CHN1: variants seen among roughly 807,000 people sequenced by gnomAD.
CHN1 encodes chimerin 1, also known as N-chimaerin.
In CHN1, 37 loss-of-function variants were observed where a neutral mutation model predicts 59.5. The ratio of observed to expected loss-of-function variants is 0.62; its 90% CI spans 0.48 to 0.82. CHN1 has a LOEUF of 0.82. Among genes scored for constraint, CHN1 ranks in the 40% least tolerant of loss-of-function variants. The probability of loss-of-function intolerance (pLI) is 0.00; values close to 1 mark genes in which losing one functional copy is unlikely to be tolerated. For synonymous variants in CHN1, 206 were observed against 200.4 expected, an observed-to-expected ratio of 1.03 and a Z score of -0.24; for missense variants, 469 against 571.0, an observed-to-expected ratio of 0.82 and a Z score of 1.82.
At chr2:174,927,739 A>G (rs1689219461) in intron 3 of CHN1, among the ~76,000 whole-genome samples, 1 of 152,352 alleles carries the variant, frequency 6.6e-6, no homozygotes. Context: ...CTACAGTGGT[A>G]GTCATTGGGT....
chr2:174,983,790 T>C (rs932735622), intron 1 of CHN1, among the ~76,000 whole-genome samples: 1 of 152,126 alleles, frequency 6.6e-6, no homozygotes, highest in Non-Finnish European at 1.5e-5. Flanking sequence ...GTGGTGCCAC[T>C]GCACTCCAGC....
At chr2:174,965,054 C>T (rs1263599569) in intron 1 of CHN1, among the ~76,000 whole-genome samples, 1 of 151,972 alleles carries the variant, frequency 6.6e-6, no homozygotes, top group African/African-American at 2.4e-5. Flanking sequence ...CTAGTTAAAT[C>T]CATCTTTGAT....
At chr2:174,889,259 G>A (rs1397324186) in intron 5 of CHN1, among the ~76,000 whole-genome samples, 1 of 150,494 alleles carries the variant, frequency 6.6e-6, no homozygotes, top group East Asian at 1.9e-4. Context: ...GTCCATAAAG[G>A]CTGGAAAAGG....
At chr2:174,919,468 A>G (rs1232762450) in intron 3 of CHN1, among the ~76,000 whole-genome samples, 1 of 152,188 alleles carries the variant, frequency 6.6e-6, no homozygotes, top group Non-Finnish European at 1.5e-5. Flanking sequence ...TACTTTGATG[A>G]CACCATGTAC....
chr2:174,982,016 A>T lies in CHN1; in HGVS notation c.19+22878T>A, dbSNP rs185474427. On this transcript the variant is annotated intron_variant, in intron 1 of 12. Transcript: ENST00000409900. The stretch of plus-strand genomic sequence containing the variant: ...CTGTGTCCATGTGTTCTCATTGTTC[A>T]ATTCCCACCTATGAGTGAGAACACG... Among the ~76,000 whole-genome samples the T allele has an allele frequency of 4.8e-3, 726 of 152,194 alleles. 5 individuals are homozygous for T. The highest frequency in any genetic ancestry group is 0.017 in the African/African-American group (688 of 41,506).
chr2:174,878,288 T>C (rs1188846911), intron 5 of CHN1, among the ~76,000 whole-genome samples, 160 bp from the exon 6 acceptor site: 1 of 152,232 alleles, frequency 6.6e-6, no homozygotes, highest in Non-Finnish European at 1.5e-5. Flanking sequence ...CTGGAATATA[T>C]AAAATTAAAC....
rs532277725 is a variant in CHN1 at position 174,854,849 on chromosome 2, G to A, written c.550-7892C>T. On this transcript the variant is annotated intron_variant, in intron 6 of 12. Coordinates refer to ENST00000409900, the MANE Select transcript of CHN1 (RefSeq NM_001822.7). ...ACTATGATATGGATTAAAGACCTAC[G>A]GCCATTGTTCTATGCAATGTGAGCT... is the stretch of plus-strand genomic sequence containing the variant. 2.3e-4 allele frequency among the ~76,000 whole-genome samples: 35 copies of A among 152,190 alleles called. No individual in the cohort carries two copies. In the South Asian group the frequency reaches 7.3e-3, roughly 32 times the overall value.
chr2:174,918,591 A>G lies in CHN1; in HGVS notation c.115-26T>C, dbSNP rs374345116. ...CTATTGGGAAAGCAAAAAAACAGGC[A>G]TATTTGTAAAAATGCAAATGTGCAG... On this transcript the variant is annotated intron_variant, in intron 3 of 12. Coordinates refer to ENST00000409900, the MANE Select transcript of CHN1 (RefSeq NM_001822.7). The G allele has an allele frequency of 1.0e-4, 163 of 1,575,434 alleles. 1 individual carries two copies. The highest frequency in any genetic ancestry group is 8.6e-4 in the Middle Eastern group (5 of 5,792).
intron 4 of CHN1, among the ~76,000 whole-genome samples, chr2:174,918,098 AATT>A (rs1185187994): frequency 1.3e-5 from 2 of 152,114 alleles, no homozygotes; most frequent in East Asian, 1.9e-4. Context: ...GAGTAGCATG[AATT>A]ATTATATTTT....
chr2:174,925,127 T>C (rs1396089898), intron 3 of CHN1, among the ~76,000 whole-genome samples: 1 of 152,184 alleles, frequency 6.6e-6, no homozygotes, highest in African/African-American at 2.4e-5. Context: ...ACCAACTAAA[T>C]GGACTCCCTC....
At chr2:174,998,220 T>C (rs557468136) in intron 1 of CHN1, among the ~76,000 whole-genome samples, 9 of 149,242 alleles carry the variant, frequency 6.0e-5, no homozygotes, top group Admixed American at 1.3e-4. Flanking sequence ...GGAGAATTGC[T>C]TGAACCTGGG....
At chr2:174,927,787 T>C (rs545018203) in intron 3 of CHN1, among the ~76,000 whole-genome samples, 1 of 152,336 alleles carries the variant, frequency 6.6e-6, no homozygotes, top group East Asian at 1.9e-4. Context: ...TTGTTCACCC[T>C]GTGAAAAATG....
intron 1 of CHN1, among the ~76,000 whole-genome samples, chr2:174,985,595 T>C (rs1427010642): frequency 1.3e-5 from 2 of 152,184 alleles, no homozygotes; most frequent in African/African-American, 2.4e-5. Context: ...ATAAATCATA[T>C]TATTACTTTA....
intron 7 of CHN1, among the ~76,000 whole-genome samples, chr2:174,829,182 G>C (rs938200286): frequency 1.3e-5 from 2 of 152,188 alleles, no homozygotes; most frequent in Non-Finnish European, 2.9e-5. Flanking sequence ...TTTAACCTGT[G>C]AACAACTCCT....
At chr2:174,815,590 T>C (rs1297608271) in intron 8 of CHN1, among the ~76,000 whole-genome samples, 1 of 114,394 alleles carries the variant, frequency 8.7e-6, no homozygotes, top group Non-Finnish European at 1.6e-5. Context: ...GGATATTTCC[T>C]TTTTTTTTTT....
At chr2:174,831,197 ATAAAT>A (rs746989700) in intron 7 of CHN1, among the ~76,000 whole-genome samples, 9 of 152,252 alleles carry the variant, frequency 5.9e-5, no homozygotes, top group Non-Finnish European at 1.0e-4. Context: ...TGCAGAAAAA[ATAAAT>A]TATTCTCATA....
At chr2:174,999,751 T>G (rs569696607) in intron 1 of CHN1, among the ~76,000 whole-genome samples, 1 of 152,316 alleles carries the variant, frequency 6.6e-6, no homozygotes, top group South Asian at 2.1e-4. Flanking sequence ...ATATCTCTGG[T>G]ATTAAATTTT....
At chr2:174,813,248 T>A (rs2105385436) in intron 8 of CHN1, among the ~76,000 whole-genome samples, 1 of 152,282 alleles carries the variant, frequency 6.6e-6, no homozygotes, top group South Asian at 2.1e-4. Flanking sequence ...AGCCTATGGA[T>A]GATTCTAGAG....
At chr2:174,979,579 C>T (rs1691070572) in intron 1 of CHN1, among the ~76,000 whole-genome samples, 1 of 152,052 alleles carries the variant, frequency 6.6e-6, no homozygotes, top group Non-Finnish European at 1.5e-5. Flanking sequence ...CTTTGGGAGG[C>T]CGAGGTGGGC....
Sources: allele counts gnomAD v4.1 joint callset (sites outside exome capture counted in the v4.1 genomes callset), GRCh38; gene constraint gnomAD v4.1.1; transcripts MANE v1.5; gene names NCBI Gene and HGNC (gene_info 2026-07-23, HGNC 2026-07-21).